WNT6: variants seen among roughly 807,000 people sequenced by gnomAD.
WNT6 encodes the protein Wnt family member 6.
In WNT6, 27 loss-of-function variants were observed where a neutral mutation model predicts 33.1. The observed-to-expected ratio is 0.82, with a 90% CI of 0.60 to 1.12. The LOEUF (loss-of-function observed/expected upper bound fraction) is 1.12, where lower values mean the gene tolerates loss of function less well. Among genes scored for constraint, WNT6 ranks in the 50% most tolerant of loss-of-function variants. The pLI is 0.00. For missense variants in WNT6, 494 were observed against 535.3 expected (o/e 0.92, Z 0.76); for synonymous variants, 249 against 242.8 (o/e 1.03, Z -0.24).
rs1237660450 is a variant in WNT6, at chr2:218,871,811, G to A, written c.628G>A (p.Gly210Ser). The change falls in exon 3 of 4, where the codon GGC (glycine) becomes AGC (serine). Residue 210 changes from glycine to serine, a missense_variant. By Grantham distance (56) the Gly-to-Ser change is moderately conservative. Coordinates refer to ENST00000233948, the MANE Select transcript of WNT6 (RefSeq NM_006522.4). This position sits in a 1 kb window ranked among gnomAD's most constrained non-coding sequence, Gnocchi z 6.4. Reference protein sequence around the residue: ...ALVQLHNNEAGRLAVRSHTRT... With the variant: ...ALVQLHNNEASRLAVRSHTRT... ...GGTGCAACTGCACAACAACGAGGCG[G>A]GCAGGCTGGTGCGTACGGGCAGGAT... 6.3e-7 allele frequency: 1 copy of A among 1,588,682 alleles called. No individual in the cohort carries two copies. The highest frequency in any genetic ancestry group is 1.1e-5 in the South Asian group (1 of 88,778).
At chr2:218,869,354 T>C (rs1944380501) in intron 1 of WNT6, among the ~76,000 whole-genome samples, 1 of 152,236 alleles carries the variant, frequency 6.6e-6, no homozygotes, top group East Asian at 1.9e-4. Flanking sequence ...TTGAGAGTTC[T>C]ACCTTAAGAC....
At chr2:218,865,137 G>C (rs953145745) in intron 1 of WNT6, among the ~76,000 whole-genome samples, 1 of 152,240 alleles carries the variant, frequency 6.6e-6, no homozygotes, top group Non-Finnish European at 1.5e-5. Context: ...GGTGGGGAGA[G>C]GTCAGCAGGA....
chr2:218,873,819 C>G lies in WNT6; in HGVS notation c.1072C>G (p.Arg358Gly). 6.5e-7 allele frequency: 1 copy of G among 1,535,278 alleles called. No homozygotes were observed. The highest frequency in any genetic ancestry group is 8.7e-7 in the Non-Finnish European group (1 of 1,146,328). ...AGTACAGTGCCACCGCTGCCGTGTG[C>G]GCAAGGAGCTCAGCCTCTGCCTGTG... is the stretch of plus-strand genomic sequence containing the variant. ...CVVQCHRCRV[R>G]KELSLCL The change falls in exon 4 of 4, where the codon CGC (arginine) becomes GGC (glycine). Residue 358 changes from arginine (R) to glycine (G), a missense_variant. Transcript: ENST00000233948. The surrounding 1 kb of genome is among the most constrained non-coding windows in gnomAD (Gnocchi z 6.1).
chr2:218,871,245 A>C lies in WNT6; in HGVS notation c.299A>C (p.Gln100Pro), dbSNP rs779638051. Reference protein sequence around the residue: ...HSKAFGRILQQDIRETAFVFA... With the variant: ...HSKAFGRILQPDIRETAFVFA... ...AAGGCCTTTGGACGCATCCTGCAAC[A>C]GGGTCAGTGTGGGGAGGGGGCGGAA... The change falls in exon 2 of 4, where the codon CAG becomes CCG. Residue 100 changes from glutamine to proline, a missense_variant and splice_region_variant. Transcript: ENST00000233948. This position sits in a 1 kb window ranked among gnomAD's most constrained non-coding sequence, Gnocchi z 6.4. 6.2e-7 allele frequency: 1 copy of C among 1,608,460 alleles called. No individual in the cohort carries two copies. Among genetic ancestry groups the C allele is most frequent in the Non-Finnish European group, 8.5e-7 (1 of 1,176,452 alleles).
At position 218,860,024 on chromosome 2, in the gene WNT6, G is replaced by T. The variant is rs1319129220; in HGVS notation, c.-14G>T. On this transcript the variant is annotated 5_prime_UTR_variant, in exon 1 of 4. Transcript: ENST00000233948. The stretch of plus-strand genomic sequence containing the variant: ...TCGCCCCCTGCCCACCCGGGCGGCC[G>T]TAGGGCGGTCACGATGCTGCCGCCC... 1.4e-6 allele frequency: 2 copies of T among 1,477,268 alleles called. No individual in the cohort carries two copies. Among genetic ancestry groups the T allele is most frequent in the Non-Finnish European group, 8.9e-7 (1 of 1,118,102 alleles). 91.5% of individuals were successfully genotyped at this position (1,477,268 alleles called of 1,614,324 possible).
chr2:218,867,063 A>C lies in WNT6; in HGVS notation c.81-3964A>C, dbSNP rs1051004006. ...ATTTTGATGACTTAGGGTGGGTCTG[A>C]ATCCAGAATTTTAGCGATGTTATCT... On this transcript the variant is annotated intron_variant, in intron 1 of 3. Coordinates refer to ENST00000233948, the MANE Select transcript of WNT6 (RefSeq NM_006522.4). The surrounding 1 kb of genome is among the most constrained non-coding windows in gnomAD (Gnocchi z 4.9). Among the ~76,000 whole-genome samples the C allele has an allele frequency of 1.3e-5, 2 of 152,118 alleles. No individual in the cohort carries two copies. The highest frequency in any genetic ancestry group is 2.4e-5 in the African/African-American group (1 of 41,392).
intron 3 of WNT6, among the ~76,000 whole-genome samples, chr2:218,872,663 C>T (rs529016580): frequency 1.2e-4 from 18 of 152,118 alleles, no homozygotes; most frequent in Non-Finnish European, 2.5e-4. Flanking sequence ...GTCTTCTGAA[C>T]CATCAGCGCT....
At chr2:218,860,507 G>T (rs919194376) in intron 1 of WNT6, among the ~76,000 whole-genome samples, 31 of 152,300 alleles carry the variant, frequency 2.0e-4, no homozygotes, top group African/African-American at 7.2e-4. Context: ...GGCAGAGAGG[G>T]CCACACAGCT....
At chr2:218,870,536 G>C (rs1225535636) in intron 1 of WNT6, among the ~76,000 whole-genome samples, 1 of 152,156 alleles carries the variant, frequency 6.6e-6, no homozygotes, top group Non-Finnish European at 1.5e-5. Context: ...TTTCATCCGG[G>C]CTGTTCAGCT....
chr2:218,863,985 C>A (rs1208636290), intron 1 of WNT6, among the ~76,000 whole-genome samples: 3 of 152,216 alleles, frequency 2.0e-5, no homozygotes, highest in African/African-American at 7.2e-5. Context: ...TCTTGTCCAG[C>A]CTCATTGCAT....
Position 218,873,317 on chromosome 2 carries a change from C to G in WNT6, c.637-67C>G. ...TCCCATTCCCAATCTTATTTTCTGTCCATCCGCTGGGCCCTTCCCTGCACC... is the reference window on the plus strand; with the variant it reads ...TCCCATTCCCAATCTTATTTTCTGTGCATCCGCTGGGCCCTTCCCTGCACC... On this transcript the variant is annotated intron_variant, in intron 3 of 3. Transcript: ENST00000233948. This position sits in a 1 kb window ranked among gnomAD's most constrained non-coding sequence, Gnocchi z 6.1. 2.1e-6 allele frequency: 3 copies of G among 1,422,202 alleles called. No homozygotes were observed. Among genetic ancestry groups the G allele is most frequent in the South Asian group, 1.3e-5 (1 of 76,208 alleles). 88.1% of individuals were successfully genotyped at this position (1,422,202 alleles called of 1,614,324 possible). A position where few individuals can be genotyped will look rare whatever the true frequency, so the allele number is the denominator to read the frequency against.
Position 218,871,762 on chromosome 2 carries a change from G to C in WNT6, c.579G>C (p.Arg193=), listed in dbSNP as rs761238683. ...SRLFMDARHK[R]GRGDIRALVQ... Reference sequence around the variant, plus strand: ...TCTTTATGGACGCGCGGCACAAGCGGGGACGCGGAGACATCCGCGCGTTGG... The same window carrying C: ...TCTTTATGGACGCGCGGCACAAGCGCGGACGCGGAGACATCCGCGCGTTGG... The change falls in exon 3 of 4, where the codon CGG becomes CGC. Residue 193 remains arginine, a synonymous_variant. Transcript: ENST00000233948. The surrounding 1 kb of genome is among the most constrained non-coding windows in gnomAD (Gnocchi z 6.4). The C allele has an allele frequency of 8.1e-6, 13 of 1,602,698 alleles. No homozygotes were observed. In the African/African-American group the frequency reaches 1.4e-4, roughly 17 times the overall value.
At position 218,871,955 on chromosome 2, in the gene WNT6, C is replaced by G; in HGVS notation, c.636+136C>G. The G allele has an allele frequency of 5.0e-6, 4 of 800,626 alleles. No homozygotes were observed. Among genetic ancestry groups the G allele is most frequent in the Non-Finnish European group, 3.6e-6 (2 of 551,482 alleles). 49.6% of individuals were successfully genotyped at this position (800,626 alleles called of 1,614,324 possible). A position where few individuals can be genotyped will look rare whatever the true frequency, so the allele number is the denominator to read the frequency against. ...TAATGTGTGGGGGAGTGCGCACGGG[C>G]GGAAAGATGGGCTGCAAGCATGGAT... is the stretch of plus-strand genomic sequence containing the variant. On this transcript the variant is annotated intron_variant, in intron 3 of 3. Coordinates refer to ENST00000233948, the MANE Select transcript of WNT6 (RefSeq NM_006522.4). The surrounding 1 kb of genome is among the most constrained non-coding windows in gnomAD (Gnocchi z 6.4).
rs1301386137 is a variant in WNT6 at position 218,871,936 on chromosome 2, G to C, written c.636+117G>C. ...TGTAGGTGGAGGGGGGCGTTAATGT[G>C]TGGGGGAGTGCGCACGGGCGGAAAG... On this transcript the variant is annotated intron_variant, in intron 3 of 3. Transcript: ENST00000233948. The surrounding 1 kb of genome is among the most constrained non-coding windows in gnomAD (Gnocchi z 6.4). 2.2e-5 allele frequency: 7 copies of C among 319,818 alleles called. No individual in the cohort carries two copies. Among genetic ancestry groups the C allele is most frequent in the East Asian group, 2.1e-4 (2 of 9,486 alleles). 19.8% of individuals were successfully genotyped at this position (319,818 alleles called of 1,614,324 possible).
chr2:218,871,387 C>A lies in WNT6; in HGVS notation c.302-98C>A. On this transcript the variant is annotated intron_variant, in intron 2 of 3. Transcript: ENST00000233948. The surrounding 1 kb of genome is among the most constrained non-coding windows in gnomAD (Gnocchi z 6.4). ...TGGGCACCCTGCAAGGACCCTGCCT[C>A]CCAGGCCCCTGGGGCAGCCCTCCCG... The A allele has an allele frequency of 6.7e-7, 1 of 1,499,934 alleles. No homozygotes were observed. Among genetic ancestry groups the A allele is most frequent in the Non-Finnish European group, 9.0e-7 (1 of 1,108,330 alleles). 92.9% of individuals were successfully genotyped at this position (1,499,934 alleles called of 1,614,324 possible).
At position 218,871,650 on chromosome 2, in the gene WNT6, G is replaced by C; in HGVS notation, c.467G>C (p.Gly156Ala). Residue 156 changes from glycine (G) to alanine (A), a missense_variant, in exon 3 of 4, where the codon GGC becomes GCC. Transcript: ENST00000233948. This position sits in a 1 kb window ranked among gnomAD's most constrained non-coding sequence, Gnocchi z 6.4. The part of the protein sequence containing the change: ...SGLPGTPGPP[G>A]PAGSPEGSAA... ...CTGCCCGGCACCCCCGGACCCCCTG[G>C]CCCCGCGGGCTCCCCGGAAGGCAGC... 3 of 1,504,310 alleles carry C rather than the reference G, an allele frequency of 2.0e-6. No homozygotes were observed. In the Admixed American group the frequency reaches 6.4e-5, roughly 32 times the overall value. The allele number at this position is 1,504,310 out of a possible 1,614,324, so 93.2% of individuals were successfully genotyped here.
At chr2:218,864,048 G>C (rs944406840) in intron 1 of WNT6, among the ~76,000 whole-genome samples, 1 of 152,134 alleles carries the variant, frequency 6.6e-6, no homozygotes, top group Non-Finnish European at 1.5e-5. Context: ...TTGGGAGTGA[G>C]GCAGAGAGGG....
In WNT6 at chr2:218,871,761, G is replaced by A. The variant is rs371832438; in HGVS notation, c.578G>A (p.Arg193Gln). ...CTCTTTATGGACGCGCGGCACAAGC[G>A]GGGACGCGGAGACATCCGCGCGTTG... ...SRLFMDARHK[R>Q]GRGDIRALVQ... The change falls in exon 3 of 4, where the codon CGG (arginine) becomes CAG (glutamine). Residue 193 changes from arginine (R) to glutamine (Q), a missense_variant. Coordinates refer to ENST00000233948, the MANE Select transcript of WNT6 (RefSeq NM_006522.4). This position sits in a 1 kb window ranked among gnomAD's most constrained non-coding sequence, Gnocchi z 6.4. The A allele has an allele frequency of 1.2e-6, 2 of 1,602,798 alleles. No individual in the cohort carries two copies. The highest frequency in any genetic ancestry group is 1.7e-6 in the Non-Finnish European group (2 of 1,175,798).
intron 1 of WNT6, among the ~76,000 whole-genome samples, chr2:218,860,416 A>G (rs1559406416): frequency 6.6e-6 from 1 of 152,116 alleles, no homozygotes; most frequent in South Asian, 2.1e-4. Flanking sequence ...ATATCCGAGG[A>G]AAAGAATGTG....
Sources: allele counts gnomAD v4.1 joint callset (sites outside exome capture counted in the v4.1 genomes callset), GRCh38; gene constraint gnomAD v4.1.1; non-coding constraint Gnocchi (gnomAD v3.1); transcripts MANE v1.5; gene names NCBI Gene and HGNC (gene_info 2026-07-23, HGNC 2026-07-21).